Variants in KCNMA1 observed in about 807,000 individuals in gnomAD.
KCNMA1 encodes Calcium-activated potassium channel subunit alpha-1.
A neutral mutation model predicts 140.0 loss-of-function variants in KCNMA1; 29 were observed. The observed-to-expected ratio is 0.21, with a 90% confidence interval of 0.15 to 0.28. The LOEUF is 0.28. Ranked by LOEUF, KCNMA1 falls within the 10% of genes least tolerant of loss-of-function variation. The pLI is 1.00. For synonymous variants in KCNMA1, 612 were observed against 611.9 expected (o/e 1.00, Z 0.00); for missense variants, 880 against 1,602.2 (o/e 0.55, Z 7.70).
intron 2 of KCNMA1, among the ~76,000 whole-genome samples, chr10:77,346,356 A>G (rs2092136631): frequency 6.6e-6 from 1 of 152,138 alleles, no homozygotes; most frequent in Non-Finnish European, 1.5e-5. Flanking sequence ...TAGTAAGAAA[A>G]GCATATTAAT....
chr10:77,129,149 T>C (rs529437206), intron 5 of KCNMA1, among the ~76,000 whole-genome samples: 1 of 152,332 alleles, frequency 6.6e-6, no homozygotes, highest in Admixed American at 6.5e-5. Context: ...GAATATATTT[T>C]CTTTTCTCTA....
intron 1 of KCNMA1, among the ~76,000 whole-genome samples, chr10:77,563,497 C>T (rs1394873612): frequency 6.6e-6 from 1 of 152,124 alleles, no homozygotes; most frequent in African/African-American, 2.4e-5. Flanking sequence ...GGTCTCCTGA[C>T]TGCCCTCTGT....
chr10:77,504,308 G>A (rs1274492742), intron 1 of KCNMA1, among the ~76,000 whole-genome samples: 1 of 152,156 alleles, frequency 6.6e-6, no homozygotes, highest in Admixed American at 6.5e-5. Context: ...CAGCTGGCAG[G>A]ATTGGAACCC....
chr10:77,534,691 T>C (rs537176340), intron 1 of KCNMA1, among the ~76,000 whole-genome samples: 1 of 152,332 alleles, frequency 6.6e-6, no homozygotes, highest in South Asian at 2.1e-4. Context: ...TAGTGTTCAG[T>C]AGCACAACAG....
chr10:77,521,536 T>C (rs1228016030), intron 1 of KCNMA1, among the ~76,000 whole-genome samples: 2 of 152,228 alleles, frequency 1.3e-5, no homozygotes, highest in Non-Finnish European at 2.9e-5. Flanking sequence ...CTCAGTTTCC[T>C]CATCTGTAAA....
intron 2 of KCNMA1, among the ~76,000 whole-genome samples, chr10:77,299,950 C>T (rs562475681): frequency 3.9e-5 from 6 of 152,302 alleles, no homozygotes; most frequent in East Asian, 3.9e-4. Context: ...AACCACCAGG[C>T]GTGGTAGGGA....
At chr10:77,388,540 C>G (rs74988049) in intron 2 of KCNMA1, among the ~76,000 whole-genome samples, 34 of 152,350 alleles carry the variant, frequency 2.2e-4, no homozygotes, top group African/African-American at 7.9e-4. Flanking sequence ...GAACAAACAA[C>G]TCTCTTGTAA....
intron 1 of KCNMA1, among the ~76,000 whole-genome samples, chr10:77,420,873 A>G (rs1392283795): frequency 6.6e-6 from 1 of 152,114 alleles, no homozygotes; most frequent in Non-Finnish European, 1.5e-5. Flanking sequence ...CTTCATAATC[A>G]TTTACATTGT....
intron 5 of KCNMA1, among the ~76,000 whole-genome samples, chr10:77,141,539 T>C (rs2098170629): frequency 6.6e-6 from 1 of 152,186 alleles, no homozygotes; most frequent in African/African-American, 2.4e-5. Flanking sequence ...AAGAGAGCCC[T>C]CACCAGAACC....
At chr10:77,029,410 T>G (rs2153534483) in intron 15 of KCNMA1, among the ~76,000 whole-genome samples, 1 of 152,296 alleles carries the variant, frequency 6.6e-6, no homozygotes, top group African/African-American at 2.4e-5. Context: ...TTATTCAGAC[T>G]TCTATTGATA....
At chr10:77,075,891 G>C (rs1319417856) in intron 13 of KCNMA1, among the ~76,000 whole-genome samples, 1 of 152,162 alleles carries the variant, frequency 6.6e-6, no homozygotes, top group Non-Finnish European at 1.5e-5. Flanking sequence ...GCCAGTGTTA[G>C]TGCCCAGAAG....
chr10:77,538,319 T>C (rs1489869741), intron 1 of KCNMA1, among the ~76,000 whole-genome samples: 3 of 152,048 alleles, frequency 2.0e-5, no homozygotes, highest in East Asian at 3.9e-4. Flanking sequence ...CACATACCCA[T>C]ACACACTCAC....
intron 1 of KCNMA1, among the ~76,000 whole-genome samples, chr10:77,529,283 G>A (rs1185959169): frequency 6.6e-6 from 1 of 151,764 alleles, no homozygotes. Context: ...TCACCTCTGG[G>A]CCTTTCCTGT....
intron 2 of KCNMA1, among the ~76,000 whole-genome samples, chr10:77,305,099 A>G (rs2077378542): frequency 6.6e-6 from 1 of 152,176 alleles, no homozygotes; most frequent in Non-Finnish European, 1.5e-5. Context: ...CACACTGAGA[A>G]GCACCATGTC....
intron 2 of KCNMA1, among the ~76,000 whole-genome samples, chr10:77,391,263 T>A (rs186500687): frequency 2.6e-5 from 4 of 152,238 alleles, no homozygotes; most frequent in African/African-American, 9.6e-5. Context: ...ATGGTCCCCC[T>A]TGATGCCCCA....
chr10:77,543,832 G>A (rs186936394), intron 1 of KCNMA1, among the ~76,000 whole-genome samples: 11 of 152,270 alleles, frequency 7.2e-5, no homozygotes, highest in Non-Finnish European at 4.4e-5. Context: ...GTAGGAGGTA[G>A]GAAGAAGCAG....
chr10:77,508,968 G>A (rs1198929147), intron 1 of KCNMA1, among the ~76,000 whole-genome samples: 1 of 152,188 alleles, frequency 6.6e-6, no homozygotes, highest in African/African-American at 2.4e-5. Flanking sequence ...GTTCACCCAT[G>A]TTGTAGCATG....
At chr10:77,415,789 G>A (rs2096728840) in intron 1 of KCNMA1, among the ~76,000 whole-genome samples, 1 of 152,210 alleles carries the variant, frequency 6.6e-6, no homozygotes, top group African/African-American at 2.4e-5. Flanking sequence ...GGGCAGTGCT[G>A]CCCCTGATGT....
At chr10:77,442,665 G>C (rs2097433234) in intron 1 of KCNMA1, among the ~76,000 whole-genome samples, 1 of 152,140 alleles carries the variant, frequency 6.6e-6, no homozygotes, top group African/African-American at 2.4e-5. Context: ...CTGGCACACA[G>C]CAAGTGCTTG....
Sources: allele counts gnomAD v4.1 joint callset (sites outside exome capture counted in the v4.1 genomes callset), GRCh38; gene constraint gnomAD v4.1.1; transcripts MANE v1.5; gene names NCBI Gene and HGNC (gene_info 2026-07-23, HGNC 2026-07-21).